Variants in SYT1 observed in about 807,000 individuals in gnomAD.
SYT1 encodes synaptotagmin 1.
A neutral mutation model predicts 44.8 loss-of-function variants in SYT1; 8 were observed. The ratio of observed to expected loss-of-function variants is 0.18; its 90% CI spans 0.10 to 0.32. The LOEUF (loss-of-function observed/expected upper bound fraction) is 0.32, where lower values mean the gene tolerates loss of function less well. Among genes scored for constraint, SYT1 ranks in the 10% least tolerant of loss-of-function variants. The pLI is 1.00. For synonymous variants in SYT1, 154 were observed against 188.8 expected, an observed-to-expected ratio of 0.82 and a Z score of 1.51; for missense variants, 286 against 509.3, an observed-to-expected ratio of 0.56 and a Z score of 4.22.
intron 1 of SYT1, among the ~76,000 whole-genome samples, chr12:78,899,216 T>A (rs1875525825): frequency 6.6e-6 from 1 of 152,074 alleles, no homozygotes; most frequent in Non-Finnish European, 1.5e-5. Flanking sequence ...ATTGCTGAAA[T>A]CATTATGAAT....
intron 1 of SYT1, among the ~76,000 whole-genome samples, chr12:78,924,569 C>A (rs1172112952): frequency 6.7e-6 from 1 of 149,416 alleles, no homozygotes; most frequent in African/African-American, 2.4e-5. Context: ...ATATATTATT[C>A]AATGGGTTGT....
At chr12:79,389,408 A>T (rs1338983725) in intron 9 of SYT1, among the ~76,000 whole-genome samples, 1 of 152,230 alleles carries the variant, frequency 6.6e-6, no homozygotes, top group East Asian at 1.9e-4. Context: ...AGTTAATTTA[A>T]GAAAATAATG....
intron 1 of SYT1, among the ~76,000 whole-genome samples, chr12:78,889,330 CA>C (rs1227531147): frequency 6.6e-5 from 10 of 151,900 alleles, no homozygotes; most frequent in Non-Finnish European, 1.3e-4. Context: ...GTTGAGACTC[CA>C]AAAAAGTTAA....
chr12:79,255,838 A>G (rs1477964149), intron 4 of SYT1, among the ~76,000 whole-genome samples: 1 of 152,168 alleles, frequency 6.6e-6, no homozygotes, highest in Non-Finnish European at 1.5e-5. Context: ...GATAAGTTTC[A>G]CTGCTTGTGT....
At chr12:79,257,894 T>A (rs1877618762) in intron 4 of SYT1, among the ~76,000 whole-genome samples, 1 of 152,178 alleles carries the variant, frequency 6.6e-6, no homozygotes, top group Non-Finnish European at 1.5e-5. Flanking sequence ...CGGTGAAAAT[T>A]CCTTACTGTA....
At chr12:79,176,289 C>CAA (rs11389898) in intron 3 of SYT1, among the ~76,000 whole-genome samples, 1,783 of 139,162 alleles carry the variant, frequency 0.013, 10 homozygotes, top group Middle Eastern at 0.044. Context: ...AATTCTGTCT[C>CAA]AAAAAAAAAA....
chr12:78,956,125 T>G (rs1879203686), intron 1 of SYT1, among the ~76,000 whole-genome samples: 1 of 152,008 alleles, frequency 6.6e-6, no homozygotes, highest in Admixed American at 6.6e-5. Context: ...AAATGTGGTA[T>G]GTAGTAATTT....
intron 1 of SYT1, among the ~76,000 whole-genome samples, chr12:78,876,733 T>TTATATAATATATTATATAATATA (rs1282704981): frequency 9.2e-5 from 9 of 97,646 alleles, no homozygotes; most frequent in African/African-American, 3.5e-4. Flanking sequence ...TATAATTATA[T>TTATATAATATATTATATAATATA]ATTATATATT....
chr12:79,447,632 G>T lies in SYT1; in HGVS notation c.1063-1286G>T, dbSNP rs1216967053. The stretch of plus-strand genomic sequence containing the variant: ...AATATGATTGCTTCCTGATAAATTT[G>T]CTTAGAACAAGCTCTAAGAATCAGT... On this transcript the variant is annotated intron_variant, in intron 10 of 10. Coordinates refer to ENST00000261205, the MANE Select transcript of SYT1 (RefSeq NM_005639.3). Among the ~76,000 whole-genome samples, 4 of 152,174 alleles carry T rather than the reference G, an allele frequency of 2.6e-5. No individual in the cohort carries two copies. The East Asian group carries it at 5.8e-4, about 22-fold the overall frequency.
chr12:78,947,420 A>G (rs1314315388), intron 1 of SYT1, among the ~76,000 whole-genome samples: 1 of 152,106 alleles, frequency 6.6e-6, no homozygotes, highest in Non-Finnish European at 1.5e-5. Flanking sequence ...GGCTCCTCTA[A>G]AGCCAAACCA....
chr12:79,350,994 C>A (rs936105090), intron 8 of SYT1, among the ~76,000 whole-genome samples: 3 of 152,152 alleles, frequency 2.0e-5, no homozygotes, highest in Non-Finnish European at 4.4e-5. Context: ...ACTACACATT[C>A]AATTTGGCAT....
intron 1 of SYT1, among the ~76,000 whole-genome samples, chr12:78,887,004 T>A (rs1301246884): frequency 6.6e-6 from 1 of 151,972 alleles, no homozygotes; most frequent in Non-Finnish European, 1.5e-5. Context: ...AATAATGGTA[T>A]CCCATGATAC....
chr12:79,357,754 C>T (rs772578491), intron 9 of SYT1, among the ~76,000 whole-genome samples: 2 of 152,122 alleles, frequency 1.3e-5, no homozygotes, highest in Non-Finnish European at 2.9e-5. Context: ...GACTTTTTGC[C>T]TTATACGTGG....
chr12:79,071,042 GA>G (rs1876239678), intron 3 of SYT1, among the ~76,000 whole-genome samples: 2 of 152,038 alleles, frequency 1.3e-5, no homozygotes, highest in Admixed American at 6.6e-5. Flanking sequence ...CTAAATAAAG[GA>G]AGAGGGTTCT....
chr12:79,245,485 A>G (rs1056063105), intron 4 of SYT1, among the ~76,000 whole-genome samples: 5 of 148,898 alleles, frequency 3.4e-5, no homozygotes, highest in Admixed American at 6.7e-5. Context: ...AAAAAAAAAA[A>G]AAAAGAAAAG....
chr12:79,102,307 A>G (rs1878490985), intron 3 of SYT1, among the ~76,000 whole-genome samples: 1 of 151,098 alleles, frequency 6.6e-6, no homozygotes. Flanking sequence ...CTACAGCTGC[A>G]CAGGCTTCTT....
intron 3 of SYT1, among the ~76,000 whole-genome samples, chr12:79,172,917 T>A (rs1339615010): frequency 2.8e-5 from 4 of 141,468 alleles, no homozygotes; most frequent in African/African-American, 1.1e-4. Flanking sequence ...ATTCCATAAG[T>A]TTGTGTCAAG....
chr12:79,095,640 C>G (rs944481876), intron 3 of SYT1, among the ~76,000 whole-genome samples: 1 of 151,824 alleles, frequency 6.6e-6, no homozygotes, highest in Non-Finnish European at 1.5e-5. Flanking sequence ...CAACTGGGCT[C>G]TAAAGGCAGA....
At chr12:79,114,405 T>A (rs552091014) in intron 3 of SYT1, among the ~76,000 whole-genome samples, 4 of 152,268 alleles carry the variant, frequency 2.6e-5, no homozygotes, top group African/African-American at 9.6e-5. Context: ...GCATCACACC[T>A]CTTACAAGCT....
Sources: gnomAD v4.1 joint callset for allele counts (sites outside exome capture counted in the v4.1 genomes callset) on GRCh38, gnomAD v4.1.1 for gene constraint, MANE v1.5 for transcripts, NCBI Gene and HGNC (gene_info 2026-07-23, HGNC 2026-07-21) for gene names.